The following HS6ST2 variants were observed in gnomAD, a reference collection of about 807,000 sequenced individuals.
HS6ST2 encodes the protein heparan-sulfate 6-O-sulfotransferase 2.
Under a neutral mutation model 33.0 loss-of-function variants are expected in HS6ST2, and 17 were observed. The observed-to-expected ratio is 0.52, with a 90% CI of 0.35 to 0.77. HS6ST2 has a LOEUF of 0.77. HS6ST2 is among the 30% of genes least tolerant of loss of function. The pLI, the probability that HS6ST2 is intolerant of heterozygous loss-of-function variation, is 0.01. For missense variants in HS6ST2, 519 were observed against 551.7 expected (o/e 0.94, Z 0.59); for synonymous variants, 248 against 237.1 (o/e 1.05, Z -0.42).
At chrX:132,763,517 C>T (rs1008513783) in intron 2 of HS6ST2, among the ~76,000 whole-genome samples, 1 of 112,150 alleles carries the variant, frequency 8.9e-6, no homozygotes, top group Non-Finnish European at 1.9e-5. Context: ...CTCTCTGCAC[C>T]GAGCTGGGCT....
chrX:132,861,754 G>T (rs749530292), intron 2 of HS6ST2, among the ~76,000 whole-genome samples: 2 of 111,353 alleles, frequency 1.8e-5, no homozygotes, highest in Non-Finnish European at 3.8e-5. Flanking sequence ...TAACTTTCCC[G>T]GGTATCTTAA....
intron 2 of HS6ST2, among the ~76,000 whole-genome samples, chrX:132,716,919 G>T (rs1012917226): frequency 8.9e-6 from 1 of 112,185 alleles, no homozygotes; most frequent in Non-Finnish European, 1.9e-5. Flanking sequence ...TTCGCAAGGG[G>T]CTGCTACTCT....
chrX:132,676,050 C>A (rs1412748218), intron 3 of HS6ST2, among the ~76,000 whole-genome samples: 1 of 111,758 alleles, frequency 8.9e-6, no homozygotes, highest in East Asian at 2.8e-4. Flanking sequence ...CATCACCTTT[C>A]CCATACTGAG....
At chrX:132,948,765 G>T (rs148960807) in intron 2 of HS6ST2, among the ~76,000 whole-genome samples, 68 of 112,280 alleles carry the variant, frequency 6.1e-4, no homozygotes, top group Non-Finnish European at 9.0e-4. Context: ...CCATTAAGTG[G>T]ATTATTCATT....
chrX:132,750,112 A>T (rs899083602), intron 2 of HS6ST2, among the ~76,000 whole-genome samples: 2 of 110,441 alleles, frequency 1.8e-5, no homozygotes, highest in Non-Finnish European at 3.8e-5. Flanking sequence ...AAACACCAAG[A>T]GCCAACAGCC....
At chrX:132,880,595 CAG>C (rs2066158218) in intron 2 of HS6ST2, among the ~76,000 whole-genome samples, 2 of 108,179 alleles carry the variant, frequency 1.8e-5, no homozygotes, top group Non-Finnish European at 3.8e-5. Context: ...GCAAATTTAG[CAG>C]AGACTATTTA....
At chrX:132,782,763 A>T (rs1217014421) in intron 2 of HS6ST2, among the ~76,000 whole-genome samples, 1 of 111,420 alleles carries the variant, frequency 9.0e-6, no homozygotes, top group East Asian at 2.8e-4. Context: ...TGAATGAGAT[A>T]GTCCAATTCA....
chrX:132,825,304 G>C (rs2065506757), intron 2 of HS6ST2, among the ~76,000 whole-genome samples: 1 of 111,903 alleles, frequency 8.9e-6, no homozygotes, highest in East Asian at 2.8e-4. Context: ...ACCTGAGTCA[G>C]TGACTTCAGT....
At chrX:132,956,663 T>C in intron 2 of HS6ST2, 145 bp downstream of exon 2, 3 of 646,226 alleles carry the variant, frequency 4.6e-6, no homozygotes, top group East Asian at 4.1e-5. Flanking sequence ...GAACGTGCGC[T>C]ACTGGGCGCC....
intron 3 of HS6ST2, among the ~76,000 whole-genome samples, chrX:132,693,016 T>A (rs1392409480): frequency 1.8e-5 from 2 of 111,769 alleles, no homozygotes; most frequent in African/African-American, 3.3e-5. Context: ...AACAGAAAAA[T>A]CCTCTTTTGT....
intron 2 of HS6ST2, among the ~76,000 whole-genome samples, chrX:132,904,335 G>T (rs950071444): frequency 1.8e-5 from 2 of 110,703 alleles, no homozygotes; most frequent in African/African-American, 6.6e-5. Context: ...ATCATAAGTT[G>T]CCCATAGTCC....
intron 2 of HS6ST2, among the ~76,000 whole-genome samples, chrX:132,886,128 T>C (rs2066249157): frequency 1.8e-5 from 2 of 111,795 alleles, no homozygotes; most frequent in Admixed American, 9.5e-5. Flanking sequence ...GATGAGAACT[T>C]CAAAAGACCT....
chrX:132,960,860 C>T (rs2067137067), upstream of HS6ST2, among the ~76,000 whole-genome samples: 1 of 111,790 alleles, frequency 8.9e-6, no homozygotes, highest in Non-Finnish European at 1.9e-5. Flanking sequence ...AGAAAACAGT[C>T]TTTGTGGGGA....
chrX:132,935,978 G>A (rs2066818659), intron 2 of HS6ST2, among the ~76,000 whole-genome samples: 1 of 106,146 alleles, frequency 9.4e-6, no homozygotes, highest in Admixed American at 1.1e-4. Context: ...AAAGCAAGCA[G>A]AAGAAAAGAA....
In HS6ST2 at chrX:132,665,684, T is replaced by C. The variant is rs779058770; in HGVS notation, c.1067+3429A>G. The stretch of plus-strand genomic sequence containing the variant: ...GGCTAAATGCAGTGGTCTGGCCTGA[T>C]TGGTCATGGGTCAACCTCTGCAAAA... On this transcript the variant is annotated intron_variant, in intron 4 of 4. Transcript: ENST00000370833. Among the ~76,000 whole-genome samples the C allele has an allele frequency of 4.5e-5, 5 of 111,224 alleles. No individual in the cohort carries two copies. In the East Asian group the frequency reaches 1.4e-3, roughly 32 times the overall value.
At chrX:132,701,137 C>T (rs1479502269) in intron 3 of HS6ST2, among the ~76,000 whole-genome samples, 1 of 112,437 alleles carries the variant, frequency 8.9e-6, no homozygotes, top group Non-Finnish European at 1.9e-5. Flanking sequence ...TCTTCTCTTG[C>T]ATCTGCCACT....
At chrX:132,859,454 C>T (rs2065886937) in intron 2 of HS6ST2, among the ~76,000 whole-genome samples, 1 of 110,018 alleles carries the variant, frequency 9.1e-6, no homozygotes, top group African/African-American at 3.3e-5. Flanking sequence ...CGAAAGAGCC[C>T]CAGAGTAAAA....
intron 2 of HS6ST2, among the ~76,000 whole-genome samples, chrX:132,756,508 C>T (rs1421391143): frequency 9.0e-6 from 1 of 110,852 alleles, no homozygotes; most frequent in Non-Finnish European, 1.9e-5. Flanking sequence ...TCCTTTCCCC[C>T]TTTCTTGATC....
At chrX:132,714,420 C>G (rs964186433) in intron 2 of HS6ST2, among the ~76,000 whole-genome samples, 1 of 110,985 alleles carries the variant, frequency 9.0e-6, no homozygotes, top group Admixed American at 9.6e-5. Context: ...TCAAGCGATT[C>G]TCCTGCCTCA....
Sources: gnomAD v4.1 joint callset for allele counts (sites outside exome capture counted in the v4.1 genomes callset) on GRCh38, gnomAD v4.1.1 for gene constraint, MANE v1.5 for transcripts, NCBI Gene and HGNC (gene_info 2026-07-23, HGNC 2026-07-21) for gene names.